The following CNTN4 variants were observed in gnomAD, a reference collection of about 807,000 sequenced individuals.
CNTN4 encodes contactin 4, also known as contactin-4.
In CNTN4, 77 loss-of-function variants were observed where a neutral mutation model predicts 122.5. The ratio of observed to expected loss-of-function variants is 0.63; its 90% confidence interval spans 0.52 to 0.76. CNTN4 has a LOEUF of 0.76. CNTN4 is among the 30% of genes least tolerant of loss of function. The pLI is 0.00. For missense variants in CNTN4, 1,256 were observed against 1,259.1 expected (o/e 1.00, Z 0.04); for synonymous variants, 512 against 447.0 (o/e 1.15, Z -1.83).
intron 6 of CNTN4, among the ~76,000 whole-genome samples, chr3:2,803,063 C>G (rs917160017): frequency 6.6e-6 from 1 of 151,786 alleles, no homozygotes; most frequent in African/African-American, 2.4e-5. Context: ...ATAGAGGTTC[C>G]CAAGTGAATG....
intron 3 of CNTN4, among the ~76,000 whole-genome samples, chr3:2,429,523 G>A (rs532472719): frequency 1.3e-4 from 20 of 152,348 alleles, no homozygotes; most frequent in African/African-American, 1.9e-4. Context: ...AGGCTACTTG[G>A]AGGTCAGGGA....
chr3:2,742,663 G>A (rs957064545), intron 5 of CNTN4, among the ~76,000 whole-genome samples: 2 of 152,122 alleles, frequency 1.3e-5, no homozygotes, highest in African/African-American at 4.8e-5. Flanking sequence ...TGGAGAGAGT[G>A]GAGTCGTGGT....
chr3:2,824,130 A>G (rs2092934755), intron 7 of CNTN4, among the ~76,000 whole-genome samples: 1 of 148,330 alleles, frequency 6.7e-6, no homozygotes, highest in Admixed American at 6.9e-5. Flanking sequence ...CCGATTCCAT[A>G]AATCTGGGCT....
chr3:2,587,475 C>T (rs2080253992), intron 4 of CNTN4, among the ~76,000 whole-genome samples: 1 of 152,122 alleles, frequency 6.6e-6, no homozygotes, highest in African/African-American at 2.4e-5. Context: ...CTTCCTTATC[C>T]TCTTTAGTTC....
intron 8 of CNTN4, among the ~76,000 whole-genome samples, chr3:2,882,091 A>G (rs1279202186): frequency 6.6e-6 from 1 of 152,068 alleles, no homozygotes; most frequent in African/African-American, 2.4e-5. Context: ...GGCCAGGAGC[A>G]GTGACTCATG....
chr3:3,000,876 C>CT (rs1224208638), intron 14 of CNTN4, among the ~76,000 whole-genome samples: 2 of 127,172 alleles, frequency 1.6e-5, no homozygotes, highest in South Asian at 2.3e-4. Context: ...GTCTTTCTTT[C>CT]TTTCTTTTTT....
intron 2 of CNTN4, among the ~76,000 whole-genome samples, chr3:2,309,276 G>C (rs766916397): frequency 1.3e-5 from 2 of 151,966 alleles, no homozygotes; most frequent in Admixed American, 1.3e-4. Flanking sequence ...TGCTGTTCCA[G>C]CTCTTTTTTT....
At chr3:2,915,739 G>C (rs764035202) in intron 12 of CNTN4, among the ~76,000 whole-genome samples, 1 of 152,194 alleles carries the variant, frequency 6.6e-6, no homozygotes, top group Admixed American at 6.5e-5. Context: ...CCTGAAGAGA[G>C]ATTTGCACAC....
chr3:2,641,129 TG>T (rs1232669042), intron 4 of CNTN4, among the ~76,000 whole-genome samples: 1 of 152,180 alleles, frequency 6.6e-6, no homozygotes, highest in African/African-American at 2.4e-5. Context: ...TTCAACTGTA[TG>T]TTTTTTTAAA....
chr3:2,326,232 A>C (rs974945389), intron 2 of CNTN4, among the ~76,000 whole-genome samples: 2 of 152,176 alleles, frequency 1.3e-5, no homozygotes, highest in African/African-American at 4.8e-5. Context: ...TGTCCCTACT[A>C]CCTTTGAACT....
intron 2 of CNTN4, among the ~76,000 whole-genome samples, chr3:2,253,611 G>C (rs1383250205): frequency 2.6e-5 from 4 of 151,352 alleles, no homozygotes; most frequent in African/African-American, 9.7e-5. Context: ...ATTGGAATCA[G>C]TTAGGTCATA....
chr3:2,199,356 ACT>A (rs1173712906), intron 2 of CNTN4, among the ~76,000 whole-genome samples: 6 of 148,258 alleles, frequency 4.0e-5, no homozygotes, highest in East Asian at 2.0e-4. Flanking sequence ...TGTGTGTGTG[ACT>A]CTCTTTTTGA....
At position 2,287,807 on chromosome 3, in the gene CNTN4, GGAGGAA is replaced by G. The variant is rs543730252; in HGVS notation, c.-144-51362_-144-51357del. Reference sequence around the variant, plus strand: ...AAGAAGAGGAGGAAGGGGAAGGTGAGGAGGAAGAGGAAGAAGAAGAAGGCTGATCTG... The same window carrying G: ...AAGAAGAGGAGGAAGGGGAAGGTGAGGAGGAAGAAGAAGAAGGCTGATCTG... On this transcript the variant is annotated intron_variant, in intron 2 of 24. Transcript: ENST00000418658. Among the ~76,000 whole-genome samples, 23 of 151,744 alleles carry G rather than the reference GGAGGAA, an allele frequency of 1.5e-4. No homozygotes were observed. In the South Asian group the frequency reaches 4.8e-3, roughly 32 times the overall value.
At chr3:2,963,421 T>A (rs529358803) in intron 13 of CNTN4, among the ~76,000 whole-genome samples, 2 of 152,334 alleles carry the variant, frequency 1.3e-5, no homozygotes, top group East Asian at 3.8e-4. Flanking sequence ...TCTAAATTTC[T>A]TATTACATGA....
chr3:2,304,990 GAAT>G (rs961709443), intron 2 of CNTN4, among the ~76,000 whole-genome samples: 4 of 151,824 alleles, frequency 2.6e-5, no homozygotes, highest in African/African-American at 7.2e-5. Flanking sequence ...AAAATGATTA[GAAT>G]AATAATAAGG....
intron 7 of CNTN4, chr3:2,866,507 A>G (rs917901183): frequency 7.5e-7 from 1 of 1,326,726 alleles, no homozygotes; most frequent in East Asian, 3.2e-5. Context: ...AAGAGGTTGG[A>G]CATCGCTTAA....
chr3:2,467,226 G>T (rs761702161), intron 3 of CNTN4, among the ~76,000 whole-genome samples: 1 of 148,678 alleles, frequency 6.7e-6, no homozygotes, highest in Non-Finnish European at 1.5e-5. Context: ...TTCCTAAATT[G>T]GTGCACTTTT....
At chr3:2,337,069 T>C (rs1322737258) in intron 2 of CNTN4, among the ~76,000 whole-genome samples, 2 of 152,118 alleles carry the variant, frequency 1.3e-5, no homozygotes, top group African/African-American at 4.8e-5. Flanking sequence ...ACAAAGGAGA[T>C]ATTGTTTCAG....
Position 2,759,400 on chromosome 3 carries a change from G to A in CNTN4, c.358+13703G>A, listed in dbSNP as rs147292267. On this transcript the variant is annotated intron_variant, in intron 6 of 24. Coordinates refer to ENST00000418658, the MANE Select transcript of CNTN4 (RefSeq NM_175607.3). ...GACCTCAGGTGATCTGCCCGCCTCGGCCTCCCAAAGTGCTGGGATTACAGC... is the reference window on the plus strand; with the variant it reads ...GACCTCAGGTGATCTGCCCGCCTCGACCTCCCAAAGTGCTGGGATTACAGC... Among the ~76,000 whole-genome samples the A allele has an allele frequency of 2.3e-3, 357 of 152,220 alleles. 2 individuals are homozygous for A. Among genetic ancestry groups the A allele is most frequent in the African/African-American group, 8.3e-3 (343 of 41,522 alleles).
Sources: gnomAD v4.1 joint callset for allele counts (sites outside exome capture counted in the v4.1 genomes callset) on GRCh38, gnomAD v4.1.1 for gene constraint, MANE v1.5 for transcripts, NCBI Gene and HGNC (gene_info 2026-07-23, HGNC 2026-07-21) for gene names.